MKRN2OS: variants seen among roughly 807,000 people sequenced by gnomAD.
The protein encoded by MKRN2OS is MKRN2 opposite strand.
A neutral mutation model predicts 18.2 loss-of-function variants in MKRN2OS; 17 were observed. That is an observed-to-expected ratio of 0.93 (90% confidence interval 0.64 to 1.40). The LOEUF (loss-of-function observed/expected upper bound fraction) is 1.40, where lower values mean the gene tolerates loss of function less well. Among genes scored for constraint, MKRN2OS ranks in the 40% most tolerant of loss-of-function variants. MKRN2OS has a pLI of 0.00. For synonymous variants in MKRN2OS, 121 were observed against 108.5 expected, an observed-to-expected ratio of 1.12 and a Z score of -0.72; for missense variants, 337 against 283.0, an observed-to-expected ratio of 1.19 and a Z score of -1.37.
chr3:12,558,931 C>T (rs2125298376), intron 1 of MKRN2OS, among the ~76,000 whole-genome samples: 1 of 152,332 alleles, frequency 6.6e-6, no homozygotes, highest in East Asian at 1.9e-4. Context: ...TGAGCCTCAG[C>T]ATTGAAGCGA....
At chr3:12,551,295 A>G (rs1458515530), downstream of MKRN2OS, among the ~76,000 whole-genome samples, 1 of 151,934 alleles carries the variant, frequency 6.6e-6, no homozygotes, top group Non-Finnish European at 1.5e-5. Context: ...GAGTTTTGAG[A>G]CCAGCCTGGC....
Position 12,541,309 on chromosome 3 carries a change from C to T in MKRN2OS, c.431+551G>A, listed in dbSNP as rs2057807128. On this transcript the variant is annotated intron_variant, in intron 3 of 3. Coordinates refer to ENST00000564146, the MANE Select transcript of MKRN2OS (RefSeq NM_001195279.2). ...TGTGATTTCAGCTCACTGCAACCTC[C>T]GCCTCTTGGTTCAAGTGATTCTCCT... Among the ~76,000 whole-genome samples, 3 of 152,004 alleles carry T rather than the reference C, an allele frequency of 2.0e-5. No individual in the cohort carries two copies. In the East Asian group the frequency reaches 5.8e-4, roughly 29 times the overall value.
At chr3:12,560,825 A>C (rs1234380044) in exon 1 of MKRN2OS, 7 of 152,230 alleles carry the variant, frequency 4.6e-5, no homozygotes, top group Non-Finnish European at 1.0e-4. Flanking sequence ...TTCATGTCTC[A>C]GTCGTCTCTC....
chr3:12,558,470 G>T (rs943980213), intron 1 of MKRN2OS, among the ~76,000 whole-genome samples: 1 of 152,082 alleles, frequency 6.6e-6, no homozygotes, highest in Non-Finnish European at 1.5e-5. Context: ...TCCTCCCCTC[G>T]CTCTATGGTT....
chr3:12,553,625 C>T (rs1340978823), downstream of MKRN2OS: 1 of 152,034 alleles, frequency 6.6e-6, no homozygotes. Context: ...AAGATGTACA[C>T]TATTACTACT....
intron 1 of MKRN2OS, among the ~76,000 whole-genome samples, chr3:12,543,527 C>T (rs2057844350): frequency 6.6e-6 from 1 of 152,048 alleles, no homozygotes; most frequent in Admixed American, 6.6e-5. Flanking sequence ...GTGGAGATTG[C>T]AGTGAGCCAT....
chr3:12,540,123 AAATCCAT>A lies in MKRN2OS; in HGVS notation c.*63_*69del. 6.6e-7 allele frequency: 1 copy of A among 1,524,442 alleles called. No individual in the cohort carries two copies. Among genetic ancestry groups the A allele is most frequent in the Non-Finnish European group, 8.8e-7 (1 of 1,138,466 alleles). 94.4% of individuals were successfully genotyped at this position (1,524,442 alleles called of 1,614,324 possible). Reference sequence around the variant, plus strand: ...ATTAACCACAGTTAAATGCATTTAGAAATCCATAGTACTGATTAAAGGTAGCAACCAC... The same window carrying A: ...ATTAACCACAGTTAAATGCATTTAGAAGTACTGATTAAAGGTAGCAACCAC... On this transcript the variant is annotated 3_prime_UTR_variant, in exon 4 of 4. Transcript: ENST00000564146.
upstream of MKRN2OS, among the ~76,000 whole-genome samples, chr3:12,548,244 C>T (rs1414484995): frequency 2.0e-5 from 3 of 152,040 alleles, no homozygotes; most frequent in Admixed American, 6.6e-5. Flanking sequence ...GTCAGGAGAT[C>T]GAGACCATCC....
upstream of MKRN2OS, among the ~76,000 whole-genome samples, chr3:12,548,952 T>C (rs927539772): frequency 6.6e-6 from 1 of 152,230 alleles, no homozygotes; most frequent in African/African-American, 2.4e-5. Flanking sequence ...TTATTTTATT[T>C]GAGACGGAAT....
chr3:12,553,016 CAAAAAAAAAAA>C (rs371579378), downstream of MKRN2OS, among the ~76,000 whole-genome samples: 2 of 102,016 alleles, frequency 2.0e-5, no homozygotes, highest in Admixed American at 1.0e-4. Flanking sequence ...ACCCGGTCTC[CAAAAAAAAAAA>C]AAAAAAAAAA....
intron 1 of MKRN2OS, among the ~76,000 whole-genome samples, chr3:12,544,203 C>T (rs1047025217): frequency 6.6e-6 from 1 of 152,162 alleles, no homozygotes; most frequent in African/African-American, 2.4e-5. Flanking sequence ...TCAAAACCAG[C>T]ACTCTTGAGG....
At chr3:12,542,813 A>T (rs753203672) in intron 2 of MKRN2OS, among the ~76,000 whole-genome samples, 6 of 151,958 alleles carry the variant, frequency 3.9e-5, no homozygotes, top group Non-Finnish European at 7.4e-5. Flanking sequence ...GGCTGAGCAT[A>T]GGATTGGAAG....
downstream of MKRN2OS, among the ~76,000 whole-genome samples, chr3:12,551,433 TG>T (rs2057928844): frequency 6.6e-6 from 1 of 151,286 alleles, no homozygotes; most frequent in Non-Finnish European, 1.5e-5. Context: ...AGGCGAAGGC[TG>T]TGGTGAGCCA....
Position 12,541,905 on chromosome 3 carries a change from T to C in MKRN2OS, c.386A>G (p.Lys129Arg). ...NMYGMMEQWD[K>R]YLEDFSTSGA... is the part of the protein sequence containing the mutation. ...CGAGGTGGAGAAGTCTTCCAGGTACTTGTCCCATTGCTCCATCATTCCATA... is the reference window on the plus strand; with the variant it reads ...CGAGGTGGAGAAGTCTTCCAGGTACCTGTCCCATTGCTCCATCATTCCATA... Residue 129 changes from lysine to arginine, a missense_variant, in exon 3 of 4, where the codon AAG (lysine) becomes AGG (arginine). Physicochemically the swap from Lys to Arg is conservative, Grantham distance 26 (BLOSUM62 2). Transcript: ENST00000564146. 2.6e-6 allele frequency: 4 copies of C among 1,536,084 alleles called. No homozygotes were observed. Among genetic ancestry groups the C allele is most frequent in the Non-Finnish European group, 3.5e-6 (4 of 1,146,896 alleles).
At chr3:12,558,410 T>A (rs2058002963) in intron 1 of MKRN2OS, among the ~76,000 whole-genome samples, 1 of 152,170 alleles carries the variant, frequency 6.6e-6, no homozygotes, top group South Asian at 2.1e-4. Context: ...TATTCCTAGG[T>A]CATTGTGCAC....
chr3:12,559,667 G>A (rs1002013789), intron 1 of MKRN2OS, among the ~76,000 whole-genome samples: 1 of 152,050 alleles, frequency 6.6e-6, no homozygotes, highest in Non-Finnish European at 1.5e-5. Context: ...ATGACTGCTC[G>A]TACAGTTATG....
Position 12,540,398 on chromosome 3 carries a change from G to A in MKRN2OS, c.467C>T (p.Ala156Val), listed in dbSNP as rs985862289. 1.8e-5 allele frequency: 28 copies of A among 1,536,028 alleles called. No homozygotes were observed. Among genetic ancestry groups the A allele is most frequent in the Admixed American group, 1.2e-4 (6 of 50,984 alleles). Residue 156 changes from alanine (A) to valine (V), a missense_variant, in exon 4 of 4, where the codon GCA (alanine) becomes GTA (valine). By Grantham distance (64) the Ala-to-Val change is moderately conservative. Coordinates refer to ENST00000564146, the MANE Select transcript of MKRN2OS (RefSeq NM_001195279.2). ...CAGAACGCAGTTAATGAACGTGAGT[G>A]CGTAAGAGTAGCAGTTATGGTGGTT... ...EDNHHNCYSY[A>V]LTFINCVLMA... is the part of the protein sequence containing the mutation.
upstream of MKRN2OS, among the ~76,000 whole-genome samples, chr3:12,546,520 ATTTTC>A (rs1442643252): frequency 2.0e-5 from 3 of 148,594 alleles, no homozygotes; most frequent in East Asian, 5.9e-4. Context: ...TAATTTTTTA[ATTTTC>A]TTATTTTTGT....
At chr3:12,552,564 A>ATC (rs2057937578), downstream of MKRN2OS, among the ~76,000 whole-genome samples, 1 of 151,386 alleles carries the variant, frequency 6.6e-6, no homozygotes, top group South Asian at 2.1e-4. Context: ...GGCATGCACC[A>ATC]CCACACCTGA....
Sources: gnomAD v4.1 joint callset for allele counts (sites outside exome capture counted in the v4.1 genomes callset) on GRCh38, gnomAD v4.1.1 for gene constraint, MANE v1.5 for transcripts, NCBI Gene and HGNC (gene_info 2026-07-23, HGNC 2026-07-21) for gene names.